The following ASCC2 variants were observed in gnomAD, a reference collection of about 807,000 sequenced individuals.
ASCC2 encodes the protein ASC-1 complex subunit P100.
In ASCC2, 42 loss-of-function variants were observed where a neutral mutation model predicts 93.5. That is an observed-to-expected ratio of 0.45 (90% CI 0.35 to 0.58). ASCC2 has a LOEUF of 0.58. Ranked by LOEUF, ASCC2 falls within the 20% of genes least tolerant of loss-of-function variation. The pLI is 0.00. For synonymous variants in ASCC2, 364 were observed against 384.2 expected (o/e 0.95, Z 0.62); for missense variants, 859 against 977.6 (o/e 0.88, Z 1.62).
At chr22:29,797,496 G>C (rs1354797353) in intron 15 of ASCC2, among the ~76,000 whole-genome samples, 1 of 152,174 alleles carries the variant, frequency 6.6e-6, no homozygotes, top group African/African-American at 2.4e-5. Flanking sequence ...GCCAGACACA[G>C]GTCTCCTGAT....
intron 15 of ASCC2, chr22:29,799,206 C>T (rs1274531954): frequency 6.6e-6 from 1 of 152,296 alleles, no homozygotes; most frequent in Non-Finnish European, 1.5e-5. Context: ...AATCAGGCTT[C>T]CTGGATTGGA....
chr22:29,793,811 T>C, intron 15 of ASCC2, 135 bp from the exon 16 acceptor site: 1 of 798,454 alleles, frequency 1.3e-6, no homozygotes. Context: ...AATCAAGCAT[T>C]GGTGAGGGCG....
At position 29,801,939 on chromosome 22, in the gene ASCC2, C is replaced by T; in HGVS notation, c.1568+55G>A. ...ATGAGGGAAGGAAGAGAGGAAGGGG[C>T]CCCACCCCGAGGCAGCCTGGGCAGC... On this transcript the variant is annotated intron_variant, in intron 14 of 19. Transcript: ENST00000307790. The T allele has an allele frequency of 3.4e-6, 5 of 1,491,280 alleles. No homozygotes were observed. In the South Asian group the frequency reaches 3.7e-5, roughly 11 times the overall value. 92.4% of individuals were successfully genotyped at this position (1,491,280 alleles called of 1,614,324 possible).
intron 7 of ASCC2, among the ~76,000 whole-genome samples, chr22:29,813,757 T>C (rs575055803): frequency 1.6e-4 from 24 of 152,282 alleles, no homozygotes; most frequent in African/African-American, 5.8e-4. Context: ...CTCAGGTCAT[T>C]ACTCCAATGG....
At chr22:29,831,263 G>T (rs2063111804) in intron 2 of ASCC2, among the ~76,000 whole-genome samples, 1 of 152,176 alleles carries the variant, frequency 6.6e-6, no homozygotes, top group African/African-American at 2.4e-5. Flanking sequence ...ATAGCAGAAA[G>T]AATTTAAGGA....
chr22:29,796,505 G>C (rs994661915), intron 15 of ASCC2, among the ~76,000 whole-genome samples: 14 of 152,142 alleles, frequency 9.2e-5, no homozygotes, highest in African/African-American at 3.1e-4. Flanking sequence ...CTGTAGGAAG[G>C]GGTAATGGAG....
chr22:29,814,792 C>T (rs1352321228), intron 6 of ASCC2, 25 bp from the exon 7 acceptor site: 1 of 1,590,214 alleles, frequency 6.3e-7, no homozygotes, highest in Non-Finnish European at 8.6e-7. Flanking sequence ...AACGGGCTCT[C>T]TCACATCATA....
At chr22:29,822,072 TCTC>T (rs1165972424) in intron 5 of ASCC2, 1 of 425,710 alleles carries the variant, frequency 2.3e-6, no homozygotes, top group Non-Finnish European at 4.4e-6. Context: ...TTCAAGTGAT[TCTC>T]CTGAAAAAAA....
At chr22:29,837,215 G>C (rs2063913241) in intron 1 of ASCC2, among the ~76,000 whole-genome samples, 1 of 151,568 alleles carries the variant, frequency 6.6e-6, no homozygotes, top group South Asian at 2.1e-4. Context: ...CGGATCACGA[G>C]GCCAGGAGAT....
At chr22:29,810,465 G>C (rs373194983) in intron 8 of ASCC2, among the ~76,000 whole-genome samples, 2 of 152,184 alleles carry the variant, frequency 1.3e-5, no homozygotes, top group Admixed American at 6.5e-5. Flanking sequence ...AGGGTAACTA[G>C]GCCAAAAGAG....
rs763494159 is a variant in ASCC2, at chr22:29,793,498, G to A, written c.1789-8C>T. ...GCCTGGCTGCAGTGGCACCTGCAATGGCATAAGCATGGGTCTGGGGGGCTC... is the reference window on the plus strand; with the variant it reads ...GCCTGGCTGCAGTGGCACCTGCAATAGCATAAGCATGGGTCTGGGGGGCTC... On this transcript the variant is annotated splice_region_variant and splice_polypyrimidine_tract_variant and intron_variant, in intron 16 of 19. Transcript: ENST00000307790. 4 of 1,614,006 alleles carry A rather than the reference G, an allele frequency of 2.5e-6. No homozygotes were observed. The highest frequency in any genetic ancestry group is 3.4e-6 in the Non-Finnish European group (4 of 1,180,036).
chr22:29,826,329 GTTTTT>G (rs1045579602), intron 2 of ASCC2, among the ~76,000 whole-genome samples: 13 of 150,264 alleles, frequency 8.7e-5, no homozygotes, highest in Non-Finnish European at 1.8e-4. Context: ...GTTTTGTTTT[GTTTTT>G]GAGACAGGTC....
chr22:29,790,987 G>A (rs928217210), intron 18 of ASCC2, among the ~76,000 whole-genome samples: 3 of 152,108 alleles, frequency 2.0e-5, no homozygotes, highest in African/African-American at 7.2e-5. Flanking sequence ...GTGTGGGAGT[G>A]CCCACTCTCA....
At position 29,825,210 on chromosome 22, in the gene ASCC2, G is replaced by C. The variant is rs1230677762; in HGVS notation, c.288C>G (p.Arg96=). The change falls in exon 4 of 20, where the codon CGC becomes CGG. Residue 96 remains arginine (R), a synonymous_variant. Transcript: ENST00000307790. This position sits in a 1 kb window ranked among gnomAD's most constrained non-coding sequence, Gnocchi z 4.9. ...TLQKCLDSYL[R]YVPRKFDEGV... is the part of the protein sequence containing the mutation. ...CCTCGTCGAATTTGCGGGGGACATA[G>C]CGCAGGTAGGAGTCCAGGCACTTCT... 1.4e-5 allele frequency: 21 copies of C among 1,555,548 alleles called. No individual in the cohort carries two copies. The highest frequency in any genetic ancestry group is 1.8e-5 in the Non-Finnish European group (21 of 1,151,594).
At chr22:29,790,874 T>C (rs2057646394) in intron 18 of ASCC2, among the ~76,000 whole-genome samples, 1 of 152,122 alleles carries the variant, frequency 6.6e-6, no homozygotes, top group Non-Finnish European at 1.5e-5. Context: ...ATGGCCACTG[T>C]GAGAGGCTGT....
Position 29,788,689 on chromosome 22 carries a change from G to A in ASCC2, c.*324C>T. 2 of 391,002 alleles carry A rather than the reference G, an allele frequency of 5.1e-6. No homozygotes were observed. The highest frequency in any genetic ancestry group is 5.9e-5 in the South Asian group (2 of 33,758). 24.2% of individuals were successfully genotyped at this position (391,002 alleles called of 1,614,324 possible). A position where few individuals can be genotyped will look rare whatever the true frequency, so the allele number is the denominator to read the frequency against. On this transcript the variant is annotated 3_prime_UTR_variant, in exon 20 of 20. Transcript: ENST00000307790. ...AGGTTTCCTGCTGTCCAGGGTAAAGGGGAAGTGGTGTCTTGTGGCCCGAGG... is the reference window on the plus strand; with the variant it reads ...AGGTTTCCTGCTGTCCAGGGTAAAGAGGAAGTGGTGTCTTGTGGCCCGAGG...
At chr22:29,820,677 G>A (rs2061440324) in intron 5 of ASCC2, among the ~76,000 whole-genome samples, 1 of 151,534 alleles carries the variant, frequency 6.6e-6, no homozygotes, top group African/African-American at 2.4e-5. Context: ...CTCACCGCCT[G>A]TAATCCCAAC....
intron 1 of ASCC2, chr22:29,833,758 C>A (rs564084317): frequency 8.2e-6 from 3 of 365,074 alleles, no homozygotes; most frequent in African/African-American, 4.3e-5. Context: ...AAACTGTCAC[C>A]TCTTGAGCCT....
chr22:29,810,532 G>T (rs897965326), intron 8 of ASCC2, among the ~76,000 whole-genome samples: 1 of 152,190 alleles, frequency 6.6e-6, no homozygotes, highest in African/African-American at 2.4e-5. Context: ...GGGCAGTTTG[G>T]CCTAAACAGG....
Sources: allele counts gnomAD v4.1 joint callset (sites outside exome capture counted in the v4.1 genomes callset), GRCh38; gene constraint gnomAD v4.1.1; non-coding constraint Gnocchi (gnomAD v3.1); transcripts MANE v1.5; gene names NCBI Gene and HGNC (gene_info 2026-07-23, HGNC 2026-07-21).